NOSIP: variants seen among roughly 807,000 people sequenced by gnomAD.
NOSIP encodes the protein nitric oxide synthase-interacting protein.
Under a neutral mutation model 36.4 loss-of-function variants are expected in NOSIP, and 25 were observed. The ratio of observed to expected loss-of-function variants is 0.69; its 90% CI spans 0.50 to 0.96. The LOEUF is 0.96. Ranked by LOEUF, NOSIP falls within the 40% of genes least tolerant of loss-of-function variation. The pLI, the probability that NOSIP is intolerant of heterozygous loss-of-function variation, is 0.00. For missense variants in NOSIP, 370 were observed against 429.0 expected (o/e 0.86, Z 1.21); for synonymous variants, 187 against 179.2 (o/e 1.04, Z -0.35).
intron 1 of NOSIP, among the ~76,000 whole-genome samples, chr19:49,570,869 C>G (rs2080475002): frequency 6.6e-6 from 1 of 152,254 alleles, no homozygotes; most frequent in Admixed American, 6.5e-5. Context: ...CAGAGATGAG[C>G]TTGCTTGCTG....
Position 49,556,717 on chromosome 19 carries a change from G to T in NOSIP, c.557C>A (p.Pro186His). 1 of 1,608,200 alleles carries T rather than the reference G, an allele frequency of 6.2e-7. No individual in the cohort carries two copies. The highest frequency in any genetic ancestry group is 2.2e-5 in the East Asian group (1 of 44,652). Residue 186 changes from proline (P) to histidine (H), a missense_variant, in exon 7 of 9, where the codon CCC becomes CAC. This residue lies in a region of NOSIP where 315 missense variants were observed against 331.9 expected (regional missense o/e 0.95). Transcript: ENST00000596358. ...LEKPSRTVTC[P>H]MSGKPLRMSD... ...CATGCGCAGGGGCTTCCCTGACATG[G>T]GGCAGGTCACCGTGCGGGACTGCAA... is the stretch of plus-strand genomic sequence containing the variant.
chr19:49,557,317 G>A (rs2080268292), intron 4 of NOSIP, 68 bp from the exon 5 acceptor site: 9 of 1,498,246 alleles, frequency 6.0e-6, no homozygotes. Context: ...CATTTCACAG[G>A]TAGGTAAACT....
rs573164464 is a variant in NOSIP, at chr19:49,580,294, G to A, written c.-2+221C>T. ...CCACTTGACTGAGTTTATAGTGAGAGAGAGAGACAAAGAGAGAGAGAACTG... is the reference window on the plus strand; with the variant it reads ...CCACTTGACTGAGTTTATAGTGAGAAAGAGAGACAAAGAGAGAGAGAACTG... On this transcript the variant is annotated intron_variant, in intron 1 of 8. Transcript: ENST00000596358. Among the ~76,000 whole-genome samples the A allele has an allele frequency of 2.5e-4, 36 of 142,006 alleles. No individual in the cohort carries two copies. In the South Asian group the frequency reaches 9.2e-3, roughly 36 times the overall value. The allele number at this position is 142,006 out of a possible 152,430, so 93.2% of individuals were successfully genotyped here.
intron 1 of NOSIP, among the ~76,000 whole-genome samples, chr19:49,561,238 T>C (rs1189541343): frequency 6.6e-6 from 1 of 152,142 alleles, no homozygotes; most frequent in Non-Finnish European, 1.5e-5. Context: ...GCAGCTGTGA[T>C]TATGTCTCAG....
At chr19:49,556,447 G>C (rs2080247444) in intron 7 of NOSIP, 22 bp from the exon 8 acceptor site, 2 of 1,611,544 alleles carry the variant, frequency 1.2e-6, no homozygotes, top group Non-Finnish European at 1.7e-6. Context: ...CCGAAGGCGG[G>C]AGACTCTGAT....
At chr19:49,576,975 G>GATT (rs2080562500) in intron 1 of NOSIP, among the ~76,000 whole-genome samples, 1 of 151,424 alleles carries the variant, frequency 6.6e-6, no homozygotes, top group African/African-American at 2.4e-5. Flanking sequence ...ATAATGAAAG[G>GATT]ACACCTAACA....
At position 49,558,842 on chromosome 19, in the gene NOSIP, G is replaced by T. The variant is rs983813358; in HGVS notation, c.258+55C>A. 35 of 1,412,984 alleles carry T rather than the reference G, an allele frequency of 2.5e-5. 1 individual carries two copies. In the South Asian group the frequency reaches 3.9e-4, roughly 16 times the overall value. The allele number at this position is 1,412,984 out of a possible 1,614,324, so 87.5% of individuals were successfully genotyped here. A position where few individuals can be genotyped will look rare whatever the true frequency, so the allele number is the denominator to read the frequency against. Reference sequence around the variant, plus strand: ...GGGCTCTGAGTGGCTCTGCCTGTGAGCTCAGACTCAAAAGCTCCTGCCTCC... The same window carrying T: ...GGGCTCTGAGTGGCTCTGCCTGTGATCTCAGACTCAAAAGCTCCTGCCTCC... On this transcript the variant is annotated intron_variant, in intron 4 of 8. Coordinates refer to ENST00000596358, the MANE Select transcript of NOSIP (RefSeq NM_001270960.2).
intron 3 of NOSIP, chr19:49,559,670 A>G (rs900972085): frequency 4.1e-6 from 2 of 492,820 alleles, no homozygotes; most frequent in African/African-American, 3.9e-5. Flanking sequence ...GAAGTGTCCA[A>G]AGGTGAGCTG....
chr19:49,572,019 T>A lies in NOSIP; in HGVS notation c.-2+8496A>T, dbSNP rs946772999. On this transcript the variant is annotated intron_variant, in intron 1 of 8. Transcript: ENST00000596358. ...AAAAAAAAAAGCCAATCCATTCCTT[T>A]ATTTGTAGCCTTTGAAATCCAGAAT... is the stretch of plus-strand genomic sequence containing the variant. 9.9e-5 allele frequency among the ~76,000 whole-genome samples: 15 copies of A among 151,226 alleles called. No homozygotes were observed. The East Asian group carries it at 2.7e-3, about 27-fold the overall frequency.
In NOSIP at chr19:49,564,453, C is replaced by CAA. The variant is rs1011453088; in HGVS notation, c.-1-3763_-1-3762dup. On this transcript the variant is annotated intron_variant, in intron 1 of 8. Transcript: ENST00000596358. ...TAGGGGACAGAGCGAGACTCCATCT[C>CAA]AAAAAAAAAAAAAAAAAAAAAAACA... Among the ~76,000 whole-genome samples the CAA allele has an allele frequency of 8.7e-3, 359 of 41,332 alleles. 2 individuals carry two copies. The highest frequency in any genetic ancestry group is 0.011 in the Non-Finnish European group (209 of 19,556). 27.1% of individuals were successfully genotyped at this position (41,332 alleles called of 152,430 possible).
intron 1 of NOSIP, among the ~76,000 whole-genome samples, chr19:49,572,781 C>CT (rs1477011250): frequency 2.0e-5 from 3 of 151,922 alleles, no homozygotes; most frequent in Admixed American, 2.0e-4. Context: ...CAAGACCAGC[C>CT]TGGCCAATGT....
At chr19:49,568,810 G>GT (rs1200980202) in intron 1 of NOSIP, among the ~76,000 whole-genome samples, 70 of 117,952 alleles carry the variant, frequency 5.9e-4, no homozygotes, top group South Asian at 7.3e-4. Flanking sequence ...TTGTTTGTTT[G>GT]TTTTTTTTTT....
chr19:49,562,027 C>G (rs1482477479), intron 1 of NOSIP, among the ~76,000 whole-genome samples: 1 of 151,994 alleles, frequency 6.6e-6, no homozygotes, highest in Admixed American at 6.6e-5. Context: ...CCCTACTTTT[C>G]TGGAGTTCAT....
chr19:49,556,859 C>T lies in NOSIP; in HGVS notation c.537+16G>A. The stretch of plus-strand genomic sequence containing the variant: ...CGCCCTGGCACCGTGCGTGCCGGGG[C>T]GCTGTGGGGGCTCACCGGCTTCTCC... On this transcript the variant is annotated intron_variant, in intron 6 of 8. Coordinates refer to ENST00000596358, the MANE Select transcript of NOSIP (RefSeq NM_001270960.2). 6.2e-7 allele frequency: 1 copy of T among 1,606,714 alleles called. No individual in the cohort carries two copies. The highest frequency in any genetic ancestry group is 8.5e-7 in the Non-Finnish European group (1 of 1,173,836).
chr19:49,574,418 G>T (rs2080524984), intron 1 of NOSIP, among the ~76,000 whole-genome samples: 1 of 152,156 alleles, frequency 6.6e-6, no homozygotes. Flanking sequence ...ATTGTTGATG[G>T]ATGGCATTAA....
chr19:49,568,390 C>T (rs1478695596), intron 1 of NOSIP, among the ~76,000 whole-genome samples: 6 of 152,146 alleles, frequency 3.9e-5, no homozygotes, highest in African/African-American at 1.2e-4. Context: ...CGGGGAACTG[C>T]GGTGGTGGTA....
chr19:49,561,755 G>A (rs966844902), intron 1 of NOSIP, among the ~76,000 whole-genome samples: 3 of 152,036 alleles, frequency 2.0e-5, no homozygotes, highest in African/African-American at 7.2e-5. Context: ...GGTGGCACAC[G>A]CCAGTAATCC....
chr19:49,556,902 T>A lies in NOSIP; in HGVS notation c.510A>T (p.Glu170Asp). Residue 170 changes from glutamate (E) to aspartate (D), a missense_variant, in exon 6 of 9, where the codon GAA (glutamate) becomes GAT (aspartate). Glu to Asp is a conservative substitution (Grantham distance 45). Coordinates refer to ENST00000596358, the MANE Select transcript of NOSIP (RefSeq NM_001270960.2). ...GCTTCTCCAGCTTGGTGGCCTTGGC[T>A]TCGGGCGTCAGCGACGGGATCCAGA... The part of the protein sequence containing the change: ...PSFWIPSLTP[E>D]AKATKLEKPS... 6.2e-7 allele frequency: 1 copy of A among 1,613,504 alleles called. No individual in the cohort carries two copies. Among genetic ancestry groups the A allele is most frequent in the Non-Finnish European group, 8.5e-7 (1 of 1,179,730 alleles).
Position 49,555,828 on chromosome 19 carries a change from G to C in NOSIP, c.835-6C>G. 6.2e-7 allele frequency: 1 copy of C among 1,613,010 alleles called. No individual in the cohort carries two copies. Among genetic ancestry groups the C allele is most frequent in the East Asian group, 2.2e-5 (1 of 44,794 alleles). On this transcript the variant is annotated splice_polypyrimidine_tract_variant and splice_region_variant and intron_variant, in intron 8 of 8. Transcript: ENST00000596358. ...CCCGCGAAGCCGGTACCGCCCTGGG[G>C]GAGGTAGAGAGAAGGACGAGGTAGA...
Sources: gnomAD v4.1 joint callset for allele counts (sites outside exome capture counted in the v4.1 genomes callset) on GRCh38, gnomAD v4.1.1 for gene constraint, gnomAD v4.1.1 regional missense constraint, MANE v1.5 for transcripts, NCBI Gene and HGNC (gene_info 2026-07-23, HGNC 2026-07-21) for gene names.